ZFAND3: variants seen among roughly 807,000 people sequenced by gnomAD.
ZFAND3 encodes the protein zinc finger AN1-type containing 3, also known as AN1-type zinc finger protein 3.
Under a neutral mutation model 29.6 loss-of-function variants are expected in ZFAND3, and 10 were observed. That is an observed-to-expected ratio of 0.34 (90% CI 0.21 to 0.57). The LOEUF is 0.57. Among genes scored for constraint, ZFAND3 ranks in the 20% least tolerant of loss-of-function variants. The pLI is 0.86. For missense variants in ZFAND3, 230 were observed against 304.5 expected (o/e 0.76, Z 1.82); for synonymous variants, 128 against 112.6 (o/e 1.14, Z -0.87).
chr6:38,144,186 T>TATATATATATATATATATATATA (rs1766027879), intron 5 of ZFAND3, among the ~76,000 whole-genome samples: 3 of 19,694 alleles, frequency 1.5e-4, no homozygotes, highest in Non-Finnish European at 4.3e-4. Context: ...ATATATATAA[T>TATATATATATATATATATATATA]ATATATATAT....
chr6:38,069,501 T>G (rs1764410905), intron 3 of ZFAND3, among the ~76,000 whole-genome samples: 1 of 152,244 alleles, frequency 6.6e-6, no homozygotes, highest in African/African-American at 2.4e-5. Context: ...AATGTCTCTT[T>G]TGATTTTAAT....
chr6:38,137,959 T>TA (rs929716522), intron 5 of ZFAND3, among the ~76,000 whole-genome samples: 1 of 152,116 alleles, frequency 6.6e-6, no homozygotes, highest in Non-Finnish European at 1.5e-5. Context: ...ATTGTAAACA[T>TA]AGTGAGAAGG....
intron 4 of ZFAND3, among the ~76,000 whole-genome samples, chr6:38,082,969 A>G (rs1034666516): frequency 6.6e-6 from 1 of 152,188 alleles, no homozygotes; most frequent in Admixed American, 6.6e-5. Context: ...TTTATTAAAT[A>G]TGAAGTCATG....
At chr6:38,027,503 A>G (rs75705800) in intron 2 of ZFAND3, among the ~76,000 whole-genome samples, 8,432 of 152,262 alleles carry the variant, frequency 0.055, 353 homozygotes, top group Non-Finnish European at 0.094. Flanking sequence ...TTGTAATAGA[A>G]TATATTGTTT....
chr6:37,992,780 T>TA (rs1017215433), intron 2 of ZFAND3, among the ~76,000 whole-genome samples: 4 of 152,202 alleles, frequency 2.6e-5, no homozygotes, highest in Admixed American at 1.3e-4. Flanking sequence ...ATGTCTCTCT[T>TA]ATTTTCATCT....
chr6:38,113,955 A>C (rs762626478), intron 4 of ZFAND3, among the ~76,000 whole-genome samples: 4 of 152,236 alleles, frequency 2.6e-5, no homozygotes, highest in Non-Finnish European at 5.9e-5. Flanking sequence ...ATTTTCAGAC[A>C]CAGAGGTGTG....
At chr6:37,856,791 C>T (rs1033742313) in intron 1 of ZFAND3, among the ~76,000 whole-genome samples, 1 of 152,076 alleles carries the variant, frequency 6.6e-6, no homozygotes, top group Non-Finnish European at 1.5e-5. Flanking sequence ...AAACAAAATG[C>T]ATGGTTATAA....
chr6:38,101,797 AAGAC>A (rs1765099459), intron 4 of ZFAND3, among the ~76,000 whole-genome samples: 3 of 148,580 alleles, frequency 2.0e-5, no homozygotes, highest in Non-Finnish European at 1.5e-5. Flanking sequence ...AAAAAAAAAA[AAGAC>A]TAAATTTTGG....
At chr6:37,867,131 C>G (rs917551001) in intron 1 of ZFAND3, among the ~76,000 whole-genome samples, 1 of 152,150 alleles carries the variant, frequency 6.6e-6, no homozygotes, top group African/African-American at 2.4e-5. Flanking sequence ...AAGAAAAATC[C>G]TTCCTATCTT....
At chr6:37,998,435 G>A (rs553257606) in intron 2 of ZFAND3, among the ~76,000 whole-genome samples, 61 of 151,848 alleles carry the variant, frequency 4.0e-4, no homozygotes, top group African/African-American at 1.3e-3. Flanking sequence ...GAATTTTAAT[G>A]TGTGAAAATT....
chr6:38,033,325 A>T (rs1445395420), intron 2 of ZFAND3, among the ~76,000 whole-genome samples: 2 of 152,170 alleles, frequency 1.3e-5, no homozygotes, highest in African/African-American at 4.8e-5. Flanking sequence ...TCCAATCTTC[A>T]TTATTTTTTT....
chr6:37,991,283 T>C (rs1762754382), intron 2 of ZFAND3, among the ~76,000 whole-genome samples: 1 of 151,968 alleles, frequency 6.6e-6, no homozygotes, highest in Admixed American at 6.5e-5. Flanking sequence ...CCCTTAGGAT[T>C]TGTGATTATT....
intron 4 of ZFAND3, among the ~76,000 whole-genome samples, chr6:38,106,081 T>G (rs970570635): frequency 6.6e-6 from 1 of 152,078 alleles, no homozygotes; most frequent in African/African-American, 2.4e-5. Flanking sequence ...GACTGTGAAA[T>G]GTTCTATTTA....
chr6:38,151,776 C>T (rs561354054), intron 5 of ZFAND3, among the ~76,000 whole-genome samples: 5 of 152,166 alleles, frequency 3.3e-5, no homozygotes, highest in Non-Finnish European at 5.9e-5. Flanking sequence ...TCTCAAGCCC[C>T]GGCTGTACAG....
chr6:38,115,777 G>T (rs1765404711), intron 4 of ZFAND3, among the ~76,000 whole-genome samples: 1 of 151,504 alleles, frequency 6.6e-6, no homozygotes, highest in African/African-American at 2.4e-5. Context: ...TTACAGCCTT[G>T]CCTGTGATAA....
intron 1 of ZFAND3, among the ~76,000 whole-genome samples, chr6:37,914,662 C>T (rs9718314): frequency 0.022 from 1,388 of 62,354 alleles, 35 homozygotes; most frequent in African/African-American, 0.087. Flanking sequence ...TTCTTTCTTT[C>T]TTTTTTTTTC....
intron 2 of ZFAND3, among the ~76,000 whole-genome samples, chr6:37,934,405 A>T (rs1170419872): frequency 6.6e-6 from 1 of 151,998 alleles, no homozygotes; most frequent in African/African-American, 2.4e-5. Context: ...GATAACTACG[A>T]CACTTACAGT....
chr6:37,826,609 C>T (rs1339957869), intron 1 of ZFAND3, among the ~76,000 whole-genome samples: 1 of 151,986 alleles, frequency 6.6e-6, no homozygotes. Flanking sequence ...AAAAAATTAA[C>T]TGAGGTGGTG....
chr6:38,132,701 C>G (rs529458563), intron 5 of ZFAND3, among the ~76,000 whole-genome samples: 6 of 152,318 alleles, frequency 3.9e-5, no homozygotes, highest in African/African-American at 1.2e-4. Context: ...TCAGCAGTTT[C>G]CTGGCAGGTA....
Sources: allele counts gnomAD v4.1 joint callset (sites outside exome capture counted in the v4.1 genomes callset), GRCh38; gene constraint gnomAD v4.1.1; transcripts MANE v1.5; gene names NCBI Gene and HGNC (gene_info 2026-07-23, HGNC 2026-07-21).